RUNX1T1: variants seen among roughly 807,000 people sequenced by gnomAD.
The protein encoded by RUNX1T1 is protein CBFA2T1.
In RUNX1T1, 4 loss-of-function variants were observed where a neutral mutation model predicts 62.8. The ratio of observed to expected loss-of-function variants is 0.06; its 90% CI spans 0.03 to 0.15. The LOEUF (loss-of-function observed/expected upper bound fraction) is 0.15. Among genes scored for constraint, RUNX1T1 ranks in the 10% least tolerant of loss-of-function variants. The pLI, the probability that RUNX1T1 is intolerant of heterozygous loss-of-function variation, is 1.00. For synonymous variants in RUNX1T1, 291 were observed against 286.0 expected, an observed-to-expected ratio of 1.02 and a Z score of -0.18; for missense variants, 508 against 754.3, an observed-to-expected ratio of 0.67 and a Z score of 3.82.
upstream of RUNX1T1, among the ~76,000 whole-genome samples, chr8:92,100,955 C>T (rs1299482272): frequency 1.3e-5 from 2 of 152,136 alleles, no homozygotes; most frequent in Non-Finnish European, 2.9e-5. Context: ...CTCACATGGT[C>T]AAGGCAAACG....
chr8:92,093,460 G>C (rs1837332930), intron 1 of RUNX1T1, among the ~76,000 whole-genome samples: 1 of 151,994 alleles, frequency 6.6e-6, no homozygotes, highest in Admixed American at 6.5e-5. Flanking sequence ...CTCTGCCTTT[G>C]CTTGAAATAC....
chr8:92,013,686 A>T (rs1304017074), intron 3 of RUNX1T1, among the ~76,000 whole-genome samples: 2 of 152,190 alleles, frequency 1.3e-5, no homozygotes, highest in South Asian at 4.1e-4. Flanking sequence ...AACACATGGA[A>T]AAGTGACTTA....
chr8:91,969,687 T>C (rs968809984), intron 10 of RUNX1T1, among the ~76,000 whole-genome samples: 2 of 152,182 alleles, frequency 1.3e-5, no homozygotes, highest in Admixed American at 6.6e-5. Flanking sequence ...ACACATTAAA[T>C]AGAAACTCTG....
intron 5 of RUNX1T1, among the ~76,000 whole-genome samples, chr8:91,994,012 C>A (rs76956082): frequency 0.021 from 3,236 of 151,676 alleles, 103 homozygotes; most frequent in African/African-American, 0.066. Context: ...ACAACAACAA[C>A]AAAAAAACTG....
At chr8:92,006,484 C>A (rs1256869256) in intron 4 of RUNX1T1, 1 of 152,150 alleles carries the variant, frequency 6.6e-6, no homozygotes, top group Non-Finnish European at 1.5e-5. Flanking sequence ...GAGGTCCCAG[C>A]TGCCTCAATT....
intron 6 of RUNX1T1, among the ~76,000 whole-genome samples, chr8:91,988,779 C>T (rs1054952184): frequency 1.4e-4 from 21 of 152,080 alleles, no homozygotes; most frequent in Non-Finnish European, 5.9e-5. Flanking sequence ...TAAGCTTCAT[C>T]TCATTTTTAA....
intron 9 of RUNX1T1, chr8:91,971,168 A>G (rs1273002688): frequency 1.2e-5 from 3 of 241,922 alleles, no homozygotes; most frequent in Non-Finnish European, 2.4e-5. Flanking sequence ...AAGGGTGAAA[A>G]TGTTTCTTTA....
rs559652155 is a variant in RUNX1T1 at position 92,088,597 on chromosome 8, T to A, written c.-86+10983A>T. Among the ~76,000 whole-genome samples, 5 of 152,314 alleles carry A rather than the reference T, an allele frequency of 3.3e-5. No individual in the cohort carries two copies. In the East Asian group the frequency reaches 9.7e-4, roughly 29 times the overall value. ...CAACCCTTTTAGGTACCATTATAGA[T>A]CTGCTTTCCTAATATTAGGCTCTGG... On this transcript the variant is annotated intron_variant, in intron 1 of 11. Transcript: ENST00000265814.
At chr8:91,980,027 C>A in intron 8 of RUNX1T1, 2 of 284,232 alleles carry the variant, frequency 7.0e-6, no homozygotes, top group Non-Finnish European at 1.4e-5. Flanking sequence ...TTTACAAATG[C>A]CACTTGTTTT....
intron 1 of RUNX1T1, among the ~76,000 whole-genome samples, chr8:92,051,971 G>A (rs911633933): frequency 1.5e-4 from 23 of 151,724 alleles, no homozygotes; most frequent in African/African-American, 5.6e-4. Context: ...TCAAAGCACA[G>A]TCCTCCAGGG....
chr8:92,008,671 C>T lies in RUNX1T1; in HGVS notation c.477+2331G>A, dbSNP rs184011011. 3.9e-4 allele frequency among the ~76,000 whole-genome samples: 59 copies of T among 152,168 alleles called. 1 individual carries two copies. The East Asian group carries it at 7.2e-3, about 18-fold the overall frequency. ...TGCAGATGTCTTTTGGCAAAGCATT[C>T]GCTGGCTCCCATCCAGAAACAGCCT... On this transcript the variant is annotated intron_variant, in intron 4 of 10. Coordinates refer to ENST00000396218, the Ensembl canonical transcript of RUNX1T1.
Position 92,054,389 on chromosome 8 carries a change from G to A in RUNX1T1, c.7+8157C>T, listed in dbSNP as rs531249394. Reference sequence around the variant, plus strand: ...CATAACACTTGGCACTGTTTTGTGGGGGGTTAAACACTGTCTCCTATTTTT... The same window carrying A: ...CATAACACTTGGCACTGTTTTGTGGAGGGTTAAACACTGTCTCCTATTTTT... On this transcript the variant is annotated intron_variant, in intron 1 of 10. Transcript: ENST00000396218. 2.6e-4 allele frequency among the ~76,000 whole-genome samples: 40 copies of A among 152,220 alleles called. No homozygotes were observed. The South Asian group carries it at 8.1e-3, about 31-fold the overall frequency.
chr8:92,076,442 G>A (rs1834431807), intron 1 of RUNX1T1, among the ~76,000 whole-genome samples: 1 of 151,984 alleles, frequency 6.6e-6, no homozygotes, highest in African/African-American at 2.4e-5. Flanking sequence ...AATACCCTAA[G>A]AGAATGTTAC....
intron 1 of RUNX1T1, among the ~76,000 whole-genome samples, chr8:92,081,656 A>G (rs1019882538): frequency 1.3e-5 from 2 of 151,506 alleles, no homozygotes; most frequent in African/African-American, 4.8e-5. Flanking sequence ...CATCTGTTCC[A>G]TGCCAGCAAT....
At chr8:92,030,502 G>A (rs1040257295) in intron 1 of RUNX1T1, among the ~76,000 whole-genome samples, 2 of 152,138 alleles carry the variant, frequency 1.3e-5, no homozygotes, top group African/African-American at 2.4e-5. Flanking sequence ...AAGGGGTTCC[G>A]AAGTTTCTTC....
chr8:92,047,752 TAA>T (rs755544614), intron 1 of RUNX1T1, among the ~76,000 whole-genome samples: 29 of 143,040 alleles, frequency 2.0e-4, no homozygotes, highest in Admixed American at 2.1e-4. Flanking sequence ...ACTATGGATT[TAA>T]AAAAAAAAAA....
chr8:92,084,576 A>AC (rs1199690228), intron 1 of RUNX1T1, among the ~76,000 whole-genome samples: 1 of 152,116 alleles, frequency 6.6e-6, no homozygotes, highest in Admixed American at 6.5e-5. Context: ...ATTAGAAAGT[A>AC]CCCCAACTGT....
intron 1 of RUNX1T1, among the ~76,000 whole-genome samples, chr8:92,033,498 T>C (rs11782927): frequency 0.22 from 33,025 of 152,130 alleles, 3,676 homozygotes; most frequent in Middle Eastern, 0.27. Context: ...TCAAATATAT[T>C]GTCAGGCCAG....
chr8:91,982,263 C>T (rs1001896377), intron 8 of RUNX1T1, among the ~76,000 whole-genome samples: 1 of 150,208 alleles, frequency 6.7e-6, no homozygotes, highest in African/African-American at 2.5e-5. Context: ...AAAATTAACC[C>T]TAACGATGTG....
Sources: gnomAD v4.1 joint callset for allele counts (sites outside exome capture counted in the v4.1 genomes callset) on GRCh38, gnomAD v4.1.1 for gene constraint, MANE v1.5 for transcripts, NCBI Gene and HGNC (gene_info 2026-07-23, HGNC 2026-07-21) for gene names.